Variants in STK32B observed in about 807,000 individuals in gnomAD.
STK32B encodes serine/threonine-protein kinase 32B.
In STK32B, 43 loss-of-function variants were observed where a neutral mutation model predicts 52.6. The observed-to-expected ratio is 0.82, with a 90% CI of 0.64 to 1.05. The LOEUF (loss-of-function observed/expected upper bound fraction) is 1.05. Ranked by LOEUF, STK32B falls within the 50% of genes least tolerant of loss-of-function variation. The probability of loss-of-function intolerance (pLI) is 0.00; values close to 1 mark genes in which losing one functional copy is unlikely to be tolerated. For synonymous variants in STK32B, 238 were observed against 204.3 expected (o/e 1.17, Z -1.41); for missense variants, 621 against 534.6 (o/e 1.16, Z -1.59).
Position 5,469,408 on chromosome 4 carries a change from T to C in STK32B, c.1106+1338T>C, listed in dbSNP as rs1284703679. Among the ~76,000 whole-genome samples, 2 of 152,268 alleles carry C rather than the reference T, an allele frequency of 1.3e-5. No individual in the cohort carries two copies. Among genetic ancestry groups the C allele is most frequent in the East Asian group, 3.9e-4 (2 of 5,176 alleles). Reference sequence around the variant, plus strand: ...TGGGGAAGTTCTCTAGGTGGCGTGCTGGGCCAAGTCCTAAGGGACATGTAG... The same window carrying C: ...TGGGGAAGTTCTCTAGGTGGCGTGCCGGGCCAAGTCCTAAGGGACATGTAG... On this transcript the variant is annotated intron_variant, in intron 11 of 11. Coordinates refer to ENST00000282908, the MANE Select transcript of STK32B (RefSeq NM_018401.3). The surrounding 1 kb of genome is among the most constrained non-coding windows in gnomAD (Gnocchi z 4.7).
At chr4:5,290,377 T>C (rs977909972) in intron 3 of STK32B, among the ~76,000 whole-genome samples, 4 of 152,214 alleles carry the variant, frequency 2.6e-5, no homozygotes, top group Admixed American at 6.5e-5. Context: ...TATATGCTTA[T>C]TCTATAATAT....
chr4:5,321,048 G>A (rs1421386861), intron 3 of STK32B, among the ~76,000 whole-genome samples: 1 of 152,122 alleles, frequency 6.6e-6, no homozygotes, highest in Non-Finnish European at 1.5e-5. Context: ...CTTTGAGAGA[G>A]TACAAAAGGG....
At chr4:5,151,418 C>T (rs10516173) in intron 2 of STK32B, among the ~76,000 whole-genome samples, 69,324 of 151,970 alleles carry the variant, frequency 0.46, 17,222 homozygotes, top group East Asian at 0.66. Context: ...AGTTTTGATA[C>T]CTGACATTTA....
rs561030595 is a variant in STK32B, at chr4:5,058,853, C to T, written c.52+6938C>T. Among the ~76,000 whole-genome samples the T allele has an allele frequency of 3.9e-3, 597 of 152,196 alleles. 4 individuals are homozygous for T. The highest frequency in any genetic ancestry group is 7.2e-3 in the Admixed American group (110 of 15,282). On this transcript the variant is annotated intron_variant, in intron 1 of 11. Transcript: ENST00000282908. This position sits in a 1 kb window ranked among gnomAD's most constrained non-coding sequence, Gnocchi z 4.8. ...GCAACCTCTGCCTCCCAGGTTCAAG[C>T]GATTCTCATGCCTCAGCCTCCCCAG...
At chr4:5,463,729 G>A (rs1717214642) in intron 9 of STK32B, among the ~76,000 whole-genome samples, 1 of 152,100 alleles carries the variant, frequency 6.6e-6, no homozygotes, top group Non-Finnish European at 1.5e-5. Flanking sequence ...CAGGTCTGTA[G>A]CCTCCCCTCT....
chr4:5,032,265 G>T, the STK32B span, among the ~76,000 whole-genome samples: 3,168 of 151,684 alleles, frequency 0.021, 41 homozygotes, highest in South Asian at 0.035. Context: ...CTTGAGGTCA[G>T]GAGTTCGAGA....
At chr4:5,094,965 C>T (rs747907701) in intron 1 of STK32B, among the ~76,000 whole-genome samples, 2 of 152,212 alleles carry the variant, frequency 1.3e-5, no homozygotes, top group Non-Finnish European at 2.9e-5. Context: ...AGGCCCTGCC[C>T]TGGGCACTGT....
chr4:5,117,643 G>A (rs1714805240), intron 1 of STK32B, among the ~76,000 whole-genome samples: 1 of 151,902 alleles, frequency 6.6e-6, no homozygotes, highest in Non-Finnish European at 1.5e-5. Flanking sequence ...TTGTATTTTA[G>A]GGATATTTAC....
At chr4:5,168,242 C>T (rs1213428542) in intron 2 of STK32B, 57 bp from the exon 3 acceptor site, 2 of 1,568,098 alleles carry the variant, frequency 1.3e-6, no homozygotes, top group Non-Finnish European at 8.7e-7. Flanking sequence ...GACATTTCTC[C>T]TTTGTCTCCC....
chr4:5,174,546 C>G (rs1233169287), intron 3 of STK32B, among the ~76,000 whole-genome samples: 1 of 152,162 alleles, frequency 6.6e-6, no homozygotes, highest in East Asian at 1.9e-4. Flanking sequence ...TATTTTATTT[C>G]TCCTTCACTT....
chr4:5,045,302 T>C, the STK32B span, among the ~76,000 whole-genome samples: 1 of 152,244 alleles, frequency 6.6e-6, no homozygotes, highest in Non-Finnish European at 1.5e-5. Flanking sequence ...GGAAGTCATG[T>C]GCCCTCCTGC....
At chr4:5,131,341 C>A (rs930530208) in intron 1 of STK32B, among the ~76,000 whole-genome samples, 1 of 152,202 alleles carries the variant, frequency 6.6e-6, no homozygotes, top group South Asian at 2.1e-4. Flanking sequence ...TCCTGCTTCC[C>A]TAGTTACCGT....
chr4:5,066,049 T>C (rs974541404), intron 1 of STK32B, among the ~76,000 whole-genome samples: 1 of 152,104 alleles, frequency 6.6e-6, no homozygotes, highest in Middle Eastern at 3.2e-3. Flanking sequence ...TTACCTTAAT[T>C]CACATTTCTC....
chr4:5,044,084 A>G, the STK32B span, among the ~76,000 whole-genome samples: 4 of 152,022 alleles, frequency 2.6e-5, no homozygotes, highest in Admixed American at 6.6e-5. Flanking sequence ...TCTCACAGCT[A>G]TTCTCGGAGG....
chr4:5,247,722 T>G (rs892294287), intron 3 of STK32B, among the ~76,000 whole-genome samples: 1 of 152,168 alleles, frequency 6.6e-6, no homozygotes, highest in Non-Finnish European at 1.5e-5. Flanking sequence ...CTCCACCCCT[T>G]TGATTATAAA....
intron 3 of STK32B, among the ~76,000 whole-genome samples, chr4:5,234,251 C>A (rs1724472410): frequency 6.6e-6 from 1 of 152,208 alleles, no homozygotes; most frequent in Admixed American, 6.5e-5. Flanking sequence ...GATACTCTTA[C>A]TGTTCTTGTT....
At chr4:5,432,335 G>A (rs1255871919) in intron 6 of STK32B, 1 of 152,176 alleles carries the variant, frequency 6.6e-6, no homozygotes, top group Non-Finnish European at 1.5e-5. Context: ...TCATGTTTCT[G>A]CCTTCAGAGA....
chr4:5,149,790 T>C (rs1232403589), intron 2 of STK32B, among the ~76,000 whole-genome samples: 2 of 151,854 alleles, frequency 1.3e-5, no homozygotes, highest in African/African-American at 2.4e-5. Context: ...TGTTAAAAAT[T>C]AGGAGGAAAA....
At chr4:5,205,740 G>C (rs1467759368) in intron 3 of STK32B, among the ~76,000 whole-genome samples, 1 of 151,352 alleles carries the variant, frequency 6.6e-6, no homozygotes, top group African/African-American at 2.4e-5. Context: ...GTGCATTTAG[G>C]ATTGTTTGAA....
Sources: allele counts gnomAD v4.1 joint callset (sites outside exome capture counted in the v4.1 genomes callset), GRCh38; gene constraint gnomAD v4.1.1; non-coding constraint Gnocchi (gnomAD v3.1); transcripts MANE v1.5; gene names NCBI Gene and HGNC (gene_info 2026-07-23, HGNC 2026-07-21).